ADGRV1: variants seen among roughly 807,000 people sequenced by gnomAD.
ADGRV1 encodes adhesion G protein-coupled receptor V1, also known as G-protein coupled receptor 98.
A neutral mutation model predicts 596.2 loss-of-function variants in ADGRV1; 359 were observed. The observed-to-expected ratio is 0.60, with a 90% CI of 0.55 to 0.66. ADGRV1 has a LOEUF of 0.66. Ranked by LOEUF, ADGRV1 falls within the 30% of genes least tolerant of loss-of-function variation. The probability of loss-of-function intolerance (pLI) is 0.00; values close to 1 mark genes in which losing one functional copy is unlikely to be tolerated. For synonymous variants in ADGRV1, 2,681 were observed against 2,679.2 expected (o/e 1.00, Z -0.02); for missense variants, 7,274 against 7,575.6 (o/e 0.96, Z 1.48).
chr5:91,018,495 T>A lies in ADGRV1; in HGVS notation c.18152+32973T>A, dbSNP rs1581802277. On this transcript the variant is annotated intron_variant, in intron 85 of 89. Transcript: ENST00000405460. ...TGTTACACAGTATCTTGACCTCAAG[T>A]AGTGTTTGCTTTGGGTTCTTAGGTG... Among the ~76,000 whole-genome samples the A allele has an allele frequency of 2.6e-5, 4 of 151,942 alleles. No homozygotes were observed. In the East Asian group the frequency reaches 7.7e-4, roughly 29 times the overall value.
intron 88 of ADGRV1, among the ~76,000 whole-genome samples, chr5:91,150,966 C>A (rs1217371555): frequency 6.6e-6 from 1 of 152,182 alleles, no homozygotes. Context: ...GTAACAAAGG[C>A]CTCTAAAAAT....
chr5:91,096,219 C>T (rs1790850319), intron 86 of ADGRV1, among the ~76,000 whole-genome samples: 1 of 152,188 alleles, frequency 6.6e-6, no homozygotes, highest in South Asian at 2.1e-4. Flanking sequence ...ATTTCAGCTT[C>T]ATGTAAATGG....
Position 90,653,421 on chromosome 5 carries a change from C to G in ADGRV1, c.3847C>G (p.Leu1283Val). Residue 1283 changes from leucine to valine, a missense_variant, in exon 20 of 90, where the codon CTG becomes GTG. By Grantham distance (32) the Leu-to-Val change is conservative. This residue lies in a region of ADGRV1 where 1,715 missense variants were observed against 1,708.8 expected (regional missense o/e 1.00). Coordinates refer to ENST00000405460, the MANE Select transcript of ADGRV1 (RefSeq NM_032119.4). ...GCAGGGTGTGTTTGGTGATGTACAA[C>G]TGGGCTGGGAAATACTGTCCAGTGA... ...RQQGVFGDVQ[L>V]GWEILSSEFP... 1 of 1,613,946 alleles carries G rather than the reference C, an allele frequency of 6.2e-7. No homozygotes were observed. The highest frequency in any genetic ancestry group is 8.5e-7 in the Non-Finnish European group (1 of 1,179,874).
intron 83 of ADGRV1, among the ~76,000 whole-genome samples, chr5:90,894,792 T>C: frequency 6.6e-6 from 1 of 151,110 alleles, no homozygotes; most frequent in South Asian, 2.1e-4. Context: ...TCAAGGTGAT[T>C]TTTGATTAAA....
At chr5:90,715,708 A>G (rs1215011653) in intron 42 of ADGRV1, among the ~76,000 whole-genome samples, 1 of 151,804 alleles carries the variant, frequency 6.6e-6, no homozygotes, top group Non-Finnish European at 1.5e-5. Context: ...GTCTTTAAGA[A>G]TGTATGATCT....
intron 85 of ADGRV1, among the ~76,000 whole-genome samples, chr5:91,051,371 T>C (rs989897213): frequency 6.6e-6 from 1 of 152,146 alleles, no homozygotes; most frequent in African/African-American, 2.4e-5. Context: ...AGTATAGTAT[T>C]TAATAAATTA....
intron 21 of ADGRV1, among the ~76,000 whole-genome samples, chr5:90,663,864 TA>T (rs1298978353): frequency 1.3e-5 from 2 of 152,038 alleles, no homozygotes; most frequent in African/African-American, 4.8e-5. Flanking sequence ...ATTTATTAAA[TA>T]GGGAATCCTT....
intron 1 of ADGRV1, among the ~76,000 whole-genome samples, chr5:90,608,765 A>G (rs868625936): frequency 4.6e-5 from 7 of 152,102 alleles, no homozygotes; most frequent in African/African-American, 1.2e-4. Context: ...GAAACACAGG[A>G]AAGGATTCAA....
chr5:90,804,040 AT>A (rs1317510034), intron 71 of ADGRV1, among the ~76,000 whole-genome samples: 2 of 152,142 alleles, frequency 1.3e-5, no homozygotes, highest in South Asian at 4.1e-4. Flanking sequence ...TGGCTAGGGC[AT>A]TTCAAAATAG....
At chr5:91,133,628 T>C (rs1261790650) in intron 87 of ADGRV1, among the ~76,000 whole-genome samples, 2 of 152,234 alleles carry the variant, frequency 1.3e-5, no homozygotes, top group East Asian at 3.8e-4. Context: ...TTGGAAGATG[T>C]GGACGACAAT....
intron 77 of ADGRV1, among the ~76,000 whole-genome samples, chr5:90,836,235 T>C (rs1764956517): frequency 6.6e-6 from 1 of 152,198 alleles, no homozygotes; most frequent in Non-Finnish European, 1.5e-5. Context: ...CCTGGACATT[T>C]ATTCCTGATA....
intron 73 of ADGRV1, among the ~76,000 whole-genome samples, chr5:90,809,673 A>G (rs1406638103): frequency 6.6e-6 from 1 of 152,226 alleles, no homozygotes; most frequent in Non-Finnish European, 1.5e-5. Context: ...GTAACCTCTG[A>G]TATAGCTATT....
At chr5:91,069,505 A>G (rs1562174017) in intron 85 of ADGRV1, among the ~76,000 whole-genome samples, 2 of 152,250 alleles carry the variant, frequency 1.3e-5, no homozygotes, top group Non-Finnish European at 2.9e-5. Context: ...AACATATGAT[A>G]AAATGCTCTA....
chr5:90,794,237 T>A (rs1581144032), intron 70 of ADGRV1, among the ~76,000 whole-genome samples: 1 of 152,054 alleles, frequency 6.6e-6, no homozygotes, highest in Non-Finnish European at 1.5e-5. Context: ...ACAGGGTAGG[T>A]TTCCATTAGG....
At chr5:91,013,063 CT>C (rs1327500873) in intron 85 of ADGRV1, among the ~76,000 whole-genome samples, 5 of 151,946 alleles carry the variant, frequency 3.3e-5, no homozygotes, top group African/African-American at 4.8e-5. Flanking sequence ...TGATCTTGTT[CT>C]TTTTTATGGC....
At chr5:90,985,694 A>G (rs747890973) in intron 85 of ADGRV1, among the ~76,000 whole-genome samples, 172 bp downstream of exon 85, 3 of 152,098 alleles carry the variant, frequency 2.0e-5, no homozygotes, top group Non-Finnish European at 2.9e-5. Flanking sequence ...TGGCCTCTCA[A>G]GTTTCTTTGG....
Position 91,151,299 on chromosome 5 carries a change from TTGAA to T in ADGRV1, c.18624+1082_18624+1085del, listed in dbSNP as rs1342463851. Among the ~76,000 whole-genome samples the T allele has an allele frequency of 3.9e-5, 6 of 152,250 alleles. No individual in the cohort carries two copies. In the South Asian group the frequency reaches 1.0e-3, roughly 26 times the overall value. On this transcript the variant is annotated intron_variant, in intron 88 of 89. Transcript: ENST00000405460. ...TTCAAGTACTATATATATTTTTAGTTTGAATGAGAAATTTTTATATACAGAATTA... is the reference window on the plus strand; with the variant it reads ...TTCAAGTACTATATATATTTTTAGTTTGAGAAATTTTTATATACAGAATTA...
At chr5:91,121,125 G>A (rs1240129446) in intron 87 of ADGRV1, among the ~76,000 whole-genome samples, 1 of 152,174 alleles carries the variant, frequency 6.6e-6, no homozygotes. Flanking sequence ...AGTGAGCCAA[G>A]ATCATGCCAT....
chr5:91,050,942 TGCAGCTGC>T (rs1321438563), intron 85 of ADGRV1, among the ~76,000 whole-genome samples: 3 of 152,248 alleles, frequency 2.0e-5, no homozygotes, highest in Non-Finnish European at 4.4e-5. Context: ...AAGGACTTTT[TGCAGCTGC>T]GGTTGTTCAC....
Sources: gnomAD v4.1 joint callset for allele counts (sites outside exome capture counted in the v4.1 genomes callset) on GRCh38, gnomAD v4.1.1 for gene constraint, gnomAD v4.1.1 regional missense constraint, MANE v1.5 for transcripts, NCBI Gene and HGNC (gene_info 2026-07-23, HGNC 2026-07-21) for gene names.